The following RABGAP1L variants were observed in gnomAD, a reference collection of about 807,000 sequenced individuals.
RABGAP1L encodes RAB GTPase activating protein 1 like, also known as rab GTPase-activating protein 1-like.
RABGAP1L carries 63 observed loss-of-function variants against 137.7 expected under a neutral mutation model. That is an observed-to-expected ratio of 0.46 (90% confidence interval 0.37 to 0.56). The LOEUF is 0.56. RABGAP1L is among the 20% of genes least tolerant of loss of function. The pLI is 0.00. For synonymous variants in RABGAP1L, 431 were observed against 433.7 expected (o/e 0.99, Z 0.08); for missense variants, 1,095 against 1,244.0 (o/e 0.88, Z 1.80).
chr1:174,278,054 A>C (rs1357770196), intron 9 of RABGAP1L, among the ~76,000 whole-genome samples: 1 of 152,212 alleles, frequency 6.6e-6, no homozygotes, highest in African/African-American at 2.4e-5. Context: ...AAAAATATTT[A>C]AAAAGGAATG....
At chr1:174,828,770 C>G (rs1336247575) in intron 19 of RABGAP1L, among the ~76,000 whole-genome samples, 1 of 148,242 alleles carries the variant, frequency 6.7e-6, no homozygotes, top group Admixed American at 6.7e-5. Flanking sequence ...GCTCTGGAAA[C>G]CTAGGCTGTT....
At chr1:174,288,258 A>G (rs12562344) in intron 10 of RABGAP1L, among the ~76,000 whole-genome samples, 13,645 of 152,110 alleles carry the variant, frequency 0.09, 836 homozygotes, top group East Asian at 0.22. Context: ...CCACAAGAAT[A>G]TTAGAGAATT....
At chr1:174,223,648 T>C (rs1669944876) in intron 3 of RABGAP1L, among the ~76,000 whole-genome samples, 1 of 152,280 alleles carries the variant, frequency 6.6e-6, no homozygotes, top group Non-Finnish European at 1.5e-5. Context: ...TGTTGATTGA[T>C]AGGAGTCAAC....
chr1:174,323,834 A>G (rs987780003), intron 11 of RABGAP1L, among the ~76,000 whole-genome samples: 1 of 152,164 alleles, frequency 6.6e-6, no homozygotes. Context: ...TTTATTCACC[A>G]TGCATTTTTT....
In RABGAP1L at chr1:174,962,202, C is replaced by CCG. The variant is rs529325329; in HGVS notation, c.2433+4654_2433+4655insGC. On this transcript the variant is annotated intron_variant, in intron 20 of 25. Transcript: ENST00000681986. ...AAAATAAAAATAAAAATACACCCCC[C>CCG]CCCCACACACACACACAGCTAGTTA... 4.5e-4 allele frequency among the ~76,000 whole-genome samples: 49 copies of CCG among 109,396 alleles called. 2 individuals carry two copies. The East Asian group carries it at 0.015, about 33-fold the overall frequency. 71.8% of individuals were successfully genotyped at this position (109,396 alleles called of 152,430 possible).
At chr1:174,931,990 G>GT (rs532860564) in intron 19 of RABGAP1L, among the ~76,000 whole-genome samples, 13,196 of 70,118 alleles carry the variant, frequency 0.19, 1,106 homozygotes, top group East Asian at 0.28. Context: ...TGCTTTTTTG[G>GT]TTTTTTTTTT....
intron 13 of RABGAP1L, among the ~76,000 whole-genome samples, chr1:174,587,509 G>A (rs1274730515): frequency 6.0e-5 from 9 of 151,256 alleles, no homozygotes; most frequent in East Asian, 2.0e-4. Flanking sequence ...GAAAAATCAC[G>A]TCTTCCAATT....
intron 14 of RABGAP1L, among the ~76,000 whole-genome samples, chr1:174,679,767 T>C (rs966067734): frequency 2.6e-5 from 4 of 152,228 alleles, no homozygotes; most frequent in Non-Finnish European, 5.9e-5. Context: ...AATTTACTTA[T>C]AGATTCAACA....
At chr1:174,699,971 A>G (rs541269027) in intron 16 of RABGAP1L, among the ~76,000 whole-genome samples, 16 of 152,304 alleles carry the variant, frequency 1.1e-4, no homozygotes, top group Non-Finnish European at 2.2e-4. Flanking sequence ...TAAAAATTGA[A>G]ATACCTAAGA....
At chr1:174,326,068 C>G (rs1680412721) in intron 11 of RABGAP1L, among the ~76,000 whole-genome samples, 2 of 152,114 alleles carry the variant, frequency 1.3e-5, no homozygotes, top group African/African-American at 4.8e-5. Flanking sequence ...CCTAAACAAG[C>G]CCACTAAAAT....
rs887114341 is a variant in RABGAP1L at position 174,293,936 on chromosome 1, A to G, written c.1324-11050A>G. Among the ~76,000 whole-genome samples, 8 of 152,242 alleles carry G rather than the reference A, an allele frequency of 5.3e-5. No individual in the cohort carries two copies. The East Asian group carries it at 1.5e-3, about 29-fold the overall frequency. On this transcript the variant is annotated intron_variant, in intron 10 of 25. Transcript: ENST00000681986. Reference sequence around the variant, plus strand: ...ATAATGGAACAATAGAAGTATATACATAGTTCAGAAGCAGCACTCACTCAT... The same window carrying G: ...ATAATGGAACAATAGAAGTATATACGTAGTTCAGAAGCAGCACTCACTCAT...
intron 13 of RABGAP1L, among the ~76,000 whole-genome samples, chr1:174,395,044 A>G (rs1023388585): frequency 5.9e-5 from 9 of 151,916 alleles, no homozygotes; most frequent in Non-Finnish European, 8.8e-5. Flanking sequence ...AAAAATGTCC[A>G]AAGTTCCATT....
chr1:174,734,737 C>T (rs1354325132), intron 17 of RABGAP1L, among the ~76,000 whole-genome samples: 1 of 152,108 alleles, frequency 6.6e-6, no homozygotes, highest in Non-Finnish European at 1.5e-5. Context: ...ATGAGTCAAC[C>T]AGAGCTGGAG....
At chr1:174,406,526 G>A (rs769731910) in intron 13 of RABGAP1L, among the ~76,000 whole-genome samples, 11 of 152,188 alleles carry the variant, frequency 7.2e-5, no homozygotes, top group Non-Finnish European at 1.3e-4. Context: ...ACTTAAGGCA[G>A]TGTTAGTCAA....
At chr1:174,208,258 C>G (rs1471559723) in intron 1 of RABGAP1L, among the ~76,000 whole-genome samples, 1 of 151,450 alleles carries the variant, frequency 6.6e-6, no homozygotes, top group Non-Finnish European at 1.5e-5. Context: ...CTTATTAGTT[C>G]TGAGGGTTTT....
intron 13 of RABGAP1L, among the ~76,000 whole-genome samples, chr1:174,439,831 T>G (rs994176306): frequency 2.0e-5 from 3 of 152,242 alleles, no homozygotes; most frequent in Admixed American, 6.5e-5. Flanking sequence ...AGCACCGCAG[T>G]GTAGGCACTT....
At chr1:174,376,158 GAGAA>G (rs1452207152) in intron 12 of RABGAP1L, among the ~76,000 whole-genome samples, 4 of 144,478 alleles carry the variant, frequency 2.8e-5, no homozygotes, top group African/African-American at 5.1e-5. Flanking sequence ...GAAGGAGAGA[GAGAA>G]AGAAAAAGAA....
chr1:174,559,451 C>T (rs933971033), intron 13 of RABGAP1L, among the ~76,000 whole-genome samples: 1 of 152,152 alleles, frequency 6.6e-6, no homozygotes, highest in Non-Finnish European at 1.5e-5. Flanking sequence ...CTTAAAATAA[C>T]CTTTTTATGT....
At chr1:174,253,154 AAGC>A (rs1672851706) in intron 7 of RABGAP1L, among the ~76,000 whole-genome samples, 1 of 152,208 alleles carries the variant, frequency 6.6e-6, no homozygotes, top group Non-Finnish European at 1.5e-5. Flanking sequence ...AATTGGCAGA[AAGC>A]AGAGGAGAAA....
Sources: allele counts gnomAD v4.1 joint callset (sites outside exome capture counted in the v4.1 genomes callset), GRCh38; gene constraint gnomAD v4.1.1; transcripts MANE v1.5; gene names NCBI Gene and HGNC (gene_info 2026-07-23, HGNC 2026-07-21).